The following CNR2 variants were observed in gnomAD, a reference collection of about 807,000 sequenced individuals.
CNR2 encodes the protein cannabinoid receptor 2, also known as cannabinoid receptor 2 (macrophage).
For synonymous variants in CNR2, 172 were observed against 182.2 expected (o/e 0.94, Z 0.45); for missense variants, 379 against 439.9 (o/e 0.86, Z 1.24).
At chr1:23,883,720 G>GA (rs1640032426) in intron 1 of CNR2, among the ~76,000 whole-genome samples, 1 of 152,098 alleles carries the variant, frequency 6.6e-6, no homozygotes, top group African/African-American at 2.4e-5. Context: ...ACCTACTTGG[G>GA]AGGCTGAGGC....
chr1:23,895,609 A>G (rs1483741192), intron 1 of CNR2, among the ~76,000 whole-genome samples: 1 of 151,980 alleles, frequency 6.6e-6, no homozygotes, highest in Non-Finnish European at 1.5e-5. Context: ...CGGGTTCAAG[A>G]GATTCTCCTC....
At chr1:23,893,766 C>T (rs1476873773) in intron 1 of CNR2, among the ~76,000 whole-genome samples, 4 of 152,134 alleles carry the variant, frequency 2.6e-5, no homozygotes, top group Admixed American at 1.3e-4. Flanking sequence ...CAAAACAACC[C>T]TTCAAGAATC....
At chr1:23,902,546 T>C in intron 1 of CNR2, 1 of 1,608,502 alleles carries the variant, frequency 6.2e-7, no homozygotes, top group South Asian at 1.1e-5. Context: ...GCTCCACGTC[T>C]GGAATGTGAA....
chr1:23,901,834 G>A, intron 1 of CNR2: 1 of 1,608,150 alleles, frequency 6.2e-7, no homozygotes, highest in Non-Finnish European at 8.5e-7. Flanking sequence ...ATACCCTTCT[G>A]TCCACTGCAA....
chr1:23,875,018 G>A lies in CNR2; in HGVS notation c.600C>T (p.Phe200=), dbSNP rs567693532. The change falls in exon 2 of 2, where the codon TTC becomes TTT. Residue 200 remains phenylalanine, a synonymous_variant. Coordinates refer to ENST00000374472, the MANE Select transcript of CNR2 (RefSeq NM_001841.3). ...YLLSWLLFIA[F]LFSGIIYTYG... Reference sequence around the variant, plus strand: ...AGGTGTAGATGATTCCGGAAAAGAGGAAGGCGATGAACAGGAGCCAGCTCA... The same window carrying A: ...AGGTGTAGATGATTCCGGAAAAGAGAAAGGCGATGAACAGGAGCCAGCTCA... 16 of 1,609,022 alleles carry A rather than the reference G, an allele frequency of 9.9e-6. No homozygotes were observed. The Admixed American group carries it at 2.0e-4, about 20-fold the overall frequency.
Position 23,873,631 on chromosome 1 carries a change from T to G in CNR2, c.*904A>C, listed in dbSNP as rs1639805111. The G allele has an allele frequency of 6.6e-6, 1 of 152,186 alleles. No individual in the cohort carries two copies. The highest frequency in any genetic ancestry group is 1.5e-5 in the Non-Finnish European group (1 of 68,050). 9.4% of individuals were successfully genotyped at this position (152,186 alleles called of 1,614,324 possible). On this transcript the variant is annotated 3_prime_UTR_variant, in exon 2 of 2. Transcript: ENST00000374472. ...TGGCATATAGGAAGGACATTTCCCC[T>G]CCTCCCACTTGCTCTGCTTATTATA...
At chr1:23,877,315 G>A (rs1639901648) in intron 1 of CNR2, among the ~76,000 whole-genome samples, 1 of 152,176 alleles carries the variant, frequency 6.6e-6, no homozygotes, top group African/African-American at 2.4e-5. Flanking sequence ...GAGCAAAACA[G>A]AACAACTGAA....
intron 1 of CNR2, among the ~76,000 whole-genome samples, chr1:23,889,307 G>C (rs1640146519): frequency 6.6e-6 from 1 of 152,148 alleles, no homozygotes. Context: ...AGGTAAGGAA[G>C]AGAATGATAC....
chr1:23,904,285 G>A (rs974057636), intron 1 of CNR2, among the ~76,000 whole-genome samples: 7 of 150,256 alleles, frequency 4.7e-5, no homozygotes, highest in African/African-American at 7.4e-5. Flanking sequence ...TGATTCTTCC[G>A]GCTCAGCCTC....
intron 1 of CNR2, among the ~76,000 whole-genome samples, chr1:23,884,172 C>T (rs1398633668): frequency 1.3e-5 from 2 of 151,112 alleles, no homozygotes; most frequent in Admixed American, 6.6e-5. Context: ...CTCTGCCTCC[C>T]GAGTTAAAGC....
chr1:23,894,365 G>A (rs1640239914), intron 1 of CNR2, among the ~76,000 whole-genome samples: 1 of 151,970 alleles, frequency 6.6e-6, no homozygotes, highest in Admixed American at 6.6e-5. Flanking sequence ...AGGTTGCACT[G>A]AGCTGAGATC....
At chr1:23,899,983 AAAGAAAAGAAAGAAAGAAAGG>A (rs1175448592) in intron 1 of CNR2, among the ~76,000 whole-genome samples, 29 of 4,308 alleles carry the variant, frequency 6.7e-3, no homozygotes, top group Non-Finnish European at 0.049. Context: ...GGAAAGAAAG[AAAGAAAAGAAAGAAAGAAAGG>A]AAGGAAGGTT....
intron 1 of CNR2, among the ~76,000 whole-genome samples, chr1:23,884,204 C>T (rs572142840): frequency 2.0e-5 from 3 of 150,916 alleles, no homozygotes; most frequent in Admixed American, 6.6e-5. Context: ...CTCAGCCTCC[C>T]GAGTAGCTGG....
At chr1:23,902,052 G>A (rs560484849) in intron 1 of CNR2, 12 of 1,569,152 alleles carry the variant, frequency 7.6e-6, no homozygotes, top group African/African-American at 1.4e-5. Flanking sequence ...GGGCAGCGCC[G>A]TTGGCAAACT....
chr1:23,904,295 C>A (rs1029287376), intron 1 of CNR2, among the ~76,000 whole-genome samples: 48 of 151,660 alleles, frequency 3.2e-4, no homozygotes, highest in African/African-American at 1.1e-3. Flanking sequence ...GGCTCAGCCT[C>A]CCGAGTAGCT....
At chr1:23,877,560 G>A (rs1456150756) in intron 1 of CNR2, among the ~76,000 whole-genome samples, 5 of 151,016 alleles carry the variant, frequency 3.3e-5, no homozygotes, top group East Asian at 2.0e-4. Flanking sequence ...GCGTGAACCC[G>A]GGAGGCGGAG....
intron 1 of CNR2, among the ~76,000 whole-genome samples, chr1:23,894,735 C>T (rs1329497871): frequency 2.7e-5 from 4 of 148,572 alleles, no homozygotes; most frequent in South Asian, 2.2e-4. Flanking sequence ...CACTGCACTC[C>T]ACCCTGGGCA....
At chr1:23,905,170 A>G (rs866687176) in intron 1 of CNR2, among the ~76,000 whole-genome samples, 1 of 148,588 alleles carries the variant, frequency 6.7e-6, no homozygotes, top group Admixed American at 6.6e-5. Context: ...TCTGCACTTA[A>G]CTTTTCTTTT....
chr1:23,881,203 G>C (rs1639981154), intron 1 of CNR2, among the ~76,000 whole-genome samples: 1 of 151,908 alleles, frequency 6.6e-6, no homozygotes, highest in Non-Finnish European at 1.5e-5. Context: ...TTGAACCCAG[G>C]AGGCGGAGTT....
Sources: gnomAD v4.1 joint callset for allele counts (sites outside exome capture counted in the v4.1 genomes callset) on GRCh38, gnomAD v4.1.1 for gene constraint, MANE v1.5 for transcripts, NCBI Gene and HGNC (gene_info 2026-07-23, HGNC 2026-07-21) for gene names.